Variants in SHLD1 observed in about 807,000 individuals in gnomAD.
SHLD1 encodes RINN1-REV7-interacting novel NHEJ regulator 3.
SHLD1 carries 3 observed loss-of-function variants against 5.5 expected under a neutral mutation model. The ratio of observed to expected loss-of-function variants is 0.54; its 90% CI spans 0.25 to 1.40. The LOEUF (loss-of-function observed/expected upper bound fraction) is 1.40. Among genes scored for constraint, SHLD1 ranks in the 40% most tolerant of loss-of-function variants. The pLI is 0.15. For missense variants in SHLD1, 210 were observed against 244.4 expected, an observed-to-expected ratio of 0.86 and a Z score of 0.94; for synonymous variants, 92 against 94.3, an observed-to-expected ratio of 0.98 and a Z score of 0.14.
At chr20:5,795,972 A>G (rs1042012429) in intron 2 of SHLD1, among the ~76,000 whole-genome samples, 2 of 152,002 alleles carry the variant, frequency 1.3e-5, no homozygotes, top group Admixed American at 6.6e-5. Context: ...AGCCTGGGCA[A>G]CAGAGCGAGA....
intron 2 of SHLD1, among the ~76,000 whole-genome samples, chr20:5,830,254 T>C (rs1218146377): frequency 6.6e-6 from 1 of 152,228 alleles, no homozygotes; most frequent in Non-Finnish European, 1.5e-5. Flanking sequence ...AATGGTAGTG[T>C]GTTCACATCA....
chr20:5,789,170 T>C (rs1338743823), intron 2 of SHLD1, among the ~76,000 whole-genome samples: 1 of 148,960 alleles, frequency 6.7e-6, no homozygotes, highest in East Asian at 2.0e-4. Context: ...AAAAGTGATG[T>C]CTGATTTTTC....
chr20:5,844,803 T>A (rs867633399), intron 2 of SHLD1, among the ~76,000 whole-genome samples: 27 of 138,880 alleles, frequency 1.9e-4, no homozygotes, highest in Non-Finnish European at 3.1e-4. Context: ...ATATATATTT[T>A]TTTTTTTTTG....
In SHLD1 at chr20:5,808,727, A is replaced by G. The variant is rs73596138; in HGVS notation, c.178+35684A>G. Among the ~76,000 whole-genome samples the G allele has an allele frequency of 3.2e-4, 48 of 152,358 alleles. No individual in the cohort carries two copies. In the East Asian group the frequency reaches 8.1e-3, roughly 26 times the overall value. On this transcript the variant is annotated intron_variant, in intron 2 of 2. Coordinates refer to ENST00000303142, the MANE Select transcript of SHLD1 (RefSeq NM_152504.4). ...ATGCATTTGGTGAATGAATATTCTC[A>G]TTCATGGAGTCAAACTTGGTAACTA...
In SHLD1 at chr20:5,855,159, T is replaced by C. The variant is rs1287004; in HGVS notation, c.179-7865T>C. ...TCCTAAAGTGCTGGGATTACAGGTG[T>C]GAGCCATAGCACCCAACCCTGTCTC... On this transcript the variant is annotated intron_variant, in intron 2 of 2. Coordinates refer to ENST00000303142, the MANE Select transcript of SHLD1 (RefSeq NM_152504.4). The surrounding 1 kb of genome is among the most constrained non-coding windows in gnomAD (Gnocchi z 4.4). Among the ~76,000 whole-genome samples, 52,571 of 151,694 alleles carry C rather than the reference T, an allele frequency of 0.35. 9,620 individuals are homozygous for C. The highest frequency in any genetic ancestry group is 0.45 in the African/African-American group (18,438 of 41,284).
chr20:5,858,891 T>G (rs1266846189), intron 2 of SHLD1, among the ~76,000 whole-genome samples: 1 of 152,164 alleles, frequency 6.6e-6, no homozygotes, highest in Non-Finnish European at 1.5e-5. Context: ...AAGAGAAAAT[T>G]TAACAATTGG....
At chr20:5,849,530 A>G (rs1417027945) in intron 2 of SHLD1, among the ~76,000 whole-genome samples, 1 of 152,182 alleles carries the variant, frequency 6.6e-6, no homozygotes, top group Non-Finnish European at 1.5e-5. Flanking sequence ...TGTGGTAGGA[A>G]CTTTCCACTG....
In SHLD1 at chr20:5,772,955, C is replaced by G; in HGVS notation, c.90C>G (p.Val30=). Residue 30 remains valine, a synonymous_variant, in exon 2 of 3, where the codon GTC becomes GTG. Transcript: ENST00000303142. ...CAGCGTGTGACATAAGAGATTACGT[C>G]CTGCAGGGACCCAGCCAAGAAGCCA... The part of the protein sequence containing the change: ...LPSACDIRDY[V]LQGPSQEANS... 1.1e-5 allele frequency: 17 copies of G among 1,614,152 alleles called. No individual in the cohort carries two copies. The highest frequency in any genetic ancestry group is 1.4e-5 in the Non-Finnish European group (17 of 1,180,016).
At chr20:5,805,816 G>T (rs187025887) in intron 2 of SHLD1, among the ~76,000 whole-genome samples, 1 of 152,048 alleles carries the variant, frequency 6.6e-6, no homozygotes, top group Non-Finnish European at 1.5e-5. Flanking sequence ...GGCCAGGCTG[G>T]TCTCAAACTC....
chr20:5,823,986 C>T (rs192257540), intron 2 of SHLD1, among the ~76,000 whole-genome samples: 19 of 152,250 alleles, frequency 1.2e-4, no homozygotes, highest in Admixed American at 3.9e-4. Context: ...CCATGCTTGC[C>T]CTCCTTGGTC....
Position 5,814,651 on chromosome 20 carries a change from CTTCTTTTTTTTT to C in SHLD1, c.178+41611_178+41622del, listed in dbSNP as rs1421913039. On this transcript the variant is annotated intron_variant, in intron 2 of 2. Transcript: ENST00000303142. ...TCCAAAATTACTTTTTCTTTTTCTTCTTCTTTTTTTTTTTTTTTTTTTTTTTGAGATAGGGTC... is the reference window on the plus strand; with the variant it reads ...TCCAAAATTACTTTTTCTTTTTCTTCTTTTTTTTTTTTTTGAGATAGGGTC... Among the ~76,000 whole-genome samples, 34 of 130,866 alleles carry C rather than the reference CTTCTTTTTTTTT, an allele frequency of 2.6e-4. No individual in the cohort carries two copies. The South Asian group carries it at 7.7e-3, about 30-fold the overall frequency. 85.9% of individuals were successfully genotyped at this position (130,866 alleles called of 152,430 possible).
intron 2 of SHLD1, among the ~76,000 whole-genome samples, chr20:5,825,444 G>T (rs1291583516): frequency 1.3e-5 from 2 of 152,194 alleles, no homozygotes; most frequent in East Asian, 3.8e-4. Flanking sequence ...AAAATACATA[G>T]GTCTGACTAG....
chr20:5,758,529 C>T (rs1454095648), intron 1 of SHLD1, among the ~76,000 whole-genome samples: 1 of 151,848 alleles, frequency 6.6e-6, no homozygotes, highest in African/African-American at 2.4e-5. Context: ...AGTGATTCTC[C>T]TGCCTCAGCC....
At chr20:5,753,601 G>T (rs1983888249) in intron 1 of SHLD1, among the ~76,000 whole-genome samples, 1 of 152,192 alleles carries the variant, frequency 6.6e-6, no homozygotes, top group Non-Finnish European at 1.5e-5. Context: ...ACTAGAAAAG[G>T]GATTTCTGGA....
intron 2 of SHLD1, among the ~76,000 whole-genome samples, chr20:5,776,086 C>T (rs1309724714): frequency 1.3e-5 from 2 of 151,814 alleles, no homozygotes; most frequent in Non-Finnish European, 2.9e-5. Flanking sequence ...CGCAACCACA[C>T]CTGGCTAATT....
In SHLD1 at chr20:5,757,580, A is replaced by G; in HGVS notation, c.-5+7101A>G. 2.0e-5 allele frequency among the ~76,000 whole-genome samples: 3 copies of G among 152,078 alleles called. No individual in the cohort carries two copies. The Middle Eastern group carries it at 0.01, about 517-fold the overall frequency. ...TTTGGGTTTTGTCCTTTATTCTACT[A>G]ATGTAGCATATTACAGCAATTCTTT... On this transcript the variant is annotated intron_variant, in intron 1 of 2. Coordinates refer to ENST00000303142, the MANE Select transcript of SHLD1 (RefSeq NM_152504.4).
rs546321082 is a variant in SHLD1 at position 5,805,689 on chromosome 20, C to T, written c.178+32646C>T. On this transcript the variant is annotated intron_variant, in intron 2 of 2. Coordinates refer to ENST00000303142, the MANE Select transcript of SHLD1 (RefSeq NM_152504.4). ...AATCTCGGCTCACTGCAACCTCTGCCTCCTGGGTTCAAATGATTCTCATGC... is the reference window on the plus strand; with the variant it reads ...AATCTCGGCTCACTGCAACCTCTGCTTCCTGGGTTCAAATGATTCTCATGC... 1.2e-4 allele frequency among the ~76,000 whole-genome samples: 18 copies of T among 152,294 alleles called. No homozygotes were observed. In the South Asian group the frequency reaches 3.3e-3, roughly 28 times the overall value.
In SHLD1 at chr20:5,779,561, C is replaced by G. The variant is rs189624593; in HGVS notation, c.178+6518C>G. ...ATGCCCACCTTTACACTAATCTCTA[C>G]TGGGCCACCATTCTATCTCAGATTC... On this transcript the variant is annotated intron_variant, in intron 2 of 2. Coordinates refer to ENST00000303142, the MANE Select transcript of SHLD1 (RefSeq NM_152504.4). Among the ~76,000 whole-genome samples the G allele has an allele frequency of 1.1e-4, 16 of 152,320 alleles. No individual in the cohort carries two copies. In the East Asian group the frequency reaches 2.7e-3, roughly 26 times the overall value.
At chr20:5,795,861 T>G (rs1343302643) in intron 2 of SHLD1, among the ~76,000 whole-genome samples, 1 of 151,378 alleles carries the variant, frequency 6.6e-6, no homozygotes, top group Non-Finnish European at 1.5e-5. Context: ...GGCGGGCACC[T>G]GTAGTCCCAG....
Sources: allele counts gnomAD v4.1 joint callset (sites outside exome capture counted in the v4.1 genomes callset), GRCh38; gene constraint gnomAD v4.1.1; non-coding constraint Gnocchi (gnomAD v3.1); transcripts MANE v1.5; gene names NCBI Gene and HGNC (gene_info 2026-07-23, HGNC 2026-07-21).